ZNF300: variants seen among roughly 807,000 people sequenced by gnomAD.
ZNF300 encodes zinc finger protein 300, also known as kruppel-like zinc finger protein.
ZNF300 carries 6 observed loss-of-function variants against 13.9 expected under a neutral mutation model. That is an observed-to-expected ratio of 0.43 (90% CI 0.24 to 0.85). ZNF300 has a LOEUF of 0.85. ZNF300 is among the 40% of genes least tolerant of loss of function. The pLI, the probability that ZNF300 is intolerant of heterozygous loss-of-function variation, is 0.25. For synonymous variants in ZNF300, 237 were observed against 242.2 expected, an observed-to-expected ratio of 0.98 and a Z score of 0.20; for missense variants, 662 against 714.2, an observed-to-expected ratio of 0.93 and a Z score of 0.83.
At chr5:150,901,332 T>A (rs369478654) in intron 3 of ZNF300, among the ~76,000 whole-genome samples, 3 of 152,100 alleles carry the variant, frequency 2.0e-5, no homozygotes, top group African/African-American at 4.8e-5. Flanking sequence ...CATATATTAC[T>A]CAAGATATCG....
chr5:150,903,427 G>A (rs1408960131), intron 2 of ZNF300: 1 of 1,399,368 alleles, frequency 7.1e-7, no homozygotes, highest in African/African-American at 1.4e-5. Flanking sequence ...TTTATAATTG[G>A]ATAGATGTGA....
At chr5:150,899,400 T>G (rs780596744) in intron 3 of ZNF300, among the ~76,000 whole-genome samples, 25 of 152,020 alleles carry the variant, frequency 1.6e-4, no homozygotes, top group East Asian at 1.9e-4. Context: ...AGAAATGCCC[T>G]TTGTAAGTAC....
chr5:150,901,547 C>T (rs935775859), intron 3 of ZNF300, among the ~76,000 whole-genome samples: 1 of 152,012 alleles, frequency 6.6e-6, no homozygotes, highest in Non-Finnish European at 1.5e-5. Context: ...ATGAAAAAAT[C>T]TTTTTGCAAT....
chr5:150,898,670 A>G, intron 3 of ZNF300, 116 bp from the exon 4 acceptor site: 1 of 1,260,552 alleles, frequency 7.9e-7, no homozygotes, highest in African/African-American at 1.5e-5. Flanking sequence ...AAAACAAAAT[A>G]AAATCCTGTT....
At chr5:150,900,458 C>T (rs1019333930) in intron 3 of ZNF300, 1 of 152,084 alleles carries the variant, frequency 6.6e-6, no homozygotes, top group Non-Finnish European at 1.5e-5. Flanking sequence ...GTTGTTCCCC[C>T]CTCTCTGCTA....
rs1451572438 is a variant in ZNF300 at position 150,895,374 on chromosome 5, G to A, written c.*50C>T. On this transcript the variant is annotated 3_prime_UTR_variant, in exon 6 of 6. Coordinates refer to ENST00000274599, the MANE Select transcript of ZNF300 (RefSeq NM_052860.4). ...GCTTATCAAATTAATTGGGTTTCTA[G>A]TAATTATTAAGGCTTGAGCTAATAC... 7.4e-7 allele frequency: 1 copy of A among 1,354,306 alleles called. No individual in the cohort carries two copies. Among genetic ancestry groups the A allele is most frequent in the African/African-American group, 1.5e-5 (1 of 68,540 alleles). 83.9% of individuals were successfully genotyped at this position (1,354,306 alleles called of 1,614,324 possible).
chr5:150,903,409 A>C, intron 2 of ZNF300: 3 of 1,506,672 alleles, frequency 2.0e-6, no homozygotes, highest in Non-Finnish European at 2.7e-6. Context: ...ATAGAAGTTG[A>C]CCAAGGTTTT....
At chr5:150,900,710 ATAAAT>A (rs1257524391) in intron 3 of ZNF300, 1 of 152,126 alleles carries the variant, frequency 6.6e-6, no homozygotes, top group African/African-American at 2.4e-5. Flanking sequence ...TAAAGAAAAA[ATAAAT>A]TAAAACTTAT....
At position 150,895,053 on chromosome 5, in the gene ZNF300, C is replaced by G. The variant is rs115469051; in HGVS notation, c.*371G>C. The G allele has an allele frequency of 6.0e-6, 1 of 166,810 alleles. No homozygotes were observed. The highest frequency in any genetic ancestry group is 1.3e-5 in the Non-Finnish European group (1 of 78,096). 10.3% of individuals were successfully genotyped at this position (166,810 alleles called of 1,614,324 possible). ...TATTGTTTACTTAAGCTTTCTTCCACGTCTTTTATAGAAAAATTAGTTTAT... is the reference window on the plus strand; with the variant it reads ...TATTGTTTACTTAAGCTTTCTTCCAGGTCTTTTATAGAAAAATTAGTTTAT... On this transcript the variant is annotated 3_prime_UTR_variant, in exon 6 of 6. Transcript: ENST00000274599.
rs767223919 is a variant in ZNF300, at chr5:150,895,648, A to G, written c.1591T>C (p.Ser531Pro). The change falls in exon 6 of 6, where the codon TCT becomes CCT. Residue 531 changes from serine (S) to proline (P), a missense_variant. Transcript: ENST00000274599. Reference sequence around the variant, plus strand: ...TGTCCCGGAAGGTGGGACTTCTGAGAGAAGGCTTTCCCACATTCAGTACAT... The same window carrying G: ...TGTCCCGGAAGGTGGGACTTCTGAGGGAAGGCTTTCCCACATTCAGTACAT... ...YICTECGKAF[S>P]QKSHLPGHQR... 1.7e-5 allele frequency: 27 copies of G among 1,613,076 alleles called. No individual in the cohort carries two copies. The highest frequency in any genetic ancestry group is 6.7e-5 in the African/African-American group (5 of 74,854).
rs754389152 is a variant in ZNF300, at chr5:150,896,108, C to G, written c.1131G>C (p.Gly377=). The change falls in exon 6 of 6, where the codon GGG becomes GGC. Residue 377 remains glycine (G), a synonymous_variant. Coordinates refer to ENST00000274599, the MANE Select transcript of ZNF300 (RefSeq NM_052860.4). ...PLIIHQRIHT[G]EKPYECRECG... is the part of the protein sequence containing the mutation. ...ACTCTCTACATTCATAGGGTTTTTCCCCAGTATGTATTCTCTGATGTATAA... is the reference window on the plus strand; with the variant it reads ...ACTCTCTACATTCATAGGGTTTTTCGCCAGTATGTATTCTCTGATGTATAA... 8 of 1,612,938 alleles carry G rather than the reference C, an allele frequency of 5.0e-6. No homozygotes were observed. In the South Asian group the frequency reaches 8.8e-5, roughly 18 times the overall value.
In ZNF300 at chr5:150,895,298, C is replaced by G; in HGVS notation, c.*126G>C. The G allele has an allele frequency of 1.5e-6, 1 of 676,178 alleles. No homozygotes were observed. Among genetic ancestry groups the G allele is most frequent in the African/African-American group, 1.8e-5 (1 of 54,806 alleles). The allele number at this position is 676,178 out of a possible 1,614,324, so 41.9% of individuals were successfully genotyped here. On this transcript the variant is annotated 3_prime_UTR_variant, in exon 6 of 6. Transcript: ENST00000274599. The stretch of plus-strand genomic sequence containing the variant: ...GCTGGAAAAGTTAGGCATCACCAAA[C>G]TAGAAACAAATTCCCTTAAAAATTT...
At chr5:150,904,500 A>AC (rs1755081028) in intron 1 of ZNF300, among the ~76,000 whole-genome samples, 1 of 151,976 alleles carries the variant, frequency 6.6e-6, no homozygotes, top group Admixed American at 6.6e-5. Flanking sequence ...ACCCAGTTAA[A>AC]CCCACCAGTC....
chr5:150,903,260 G>C, intron 2 of ZNF300, 78 bp from the exon 3 acceptor site: 1 of 1,609,610 alleles, frequency 6.2e-7, no homozygotes. Flanking sequence ...CACCAATCTT[G>C]CAACAACTAA....
At position 150,895,583 on chromosome 5, in the gene ZNF300, A is replaced by C. The variant is rs1471990100; in HGVS notation, c.1656T>G (p.Ala552=). The C allele has an allele frequency of 6.2e-7, 1 of 1,613,392 alleles. No homozygotes were observed. Among genetic ancestry groups the C allele is most frequent in the Non-Finnish European group, 8.5e-7 (1 of 1,179,760 alleles). Residue 552 remains alanine (A), a synonymous_variant, in exon 6 of 6, where the codon GCT becomes GCG. Transcript: ENST00000274599. ...IHTGEKPYIC[A]ECGKAFSQKS... is the part of the protein sequence containing the mutation. ...TCTGAGAAAAGGCCTTTCCACATTC[A>C]GCACATATGTAAGGTTTCTCTCCTG... is the stretch of plus-strand genomic sequence containing the variant.
At chr5:150,903,501 TATAGA>T (rs1755053992) in intron 2 of ZNF300, 2 of 781,036 alleles carry the variant, frequency 2.6e-6, no homozygotes, top group Admixed American at 2.2e-5. Flanking sequence ...CAATTCTATT[TATAGA>T]AGATTTTCAT....
intron 5 of ZNF300, chr5:150,897,231 C>A (rs982060052): frequency 1.7e-5 from 6 of 358,000 alleles, no homozygotes; most frequent in East Asian, 4.4e-5. Context: ...TTTGATTATT[C>A]TTCTAGAATA....
intron 3 of ZNF300, among the ~76,000 whole-genome samples, chr5:150,898,878 G>A (rs1037839913): frequency 6.6e-6 from 1 of 151,962 alleles, no homozygotes; most frequent in African/African-American, 2.4e-5. Flanking sequence ...ATTATGGGTT[G>A]AGTTGTATCT....
chr5:150,904,350 A>ATCTC (rs1561760077), intron 1 of ZNF300, among the ~76,000 whole-genome samples: 1 of 151,930 alleles, frequency 6.6e-6, no homozygotes. Flanking sequence ...CCCCATCTAA[A>ATCTC]TCTCGGAATT....
Sources: allele counts gnomAD v4.1 joint callset (sites outside exome capture counted in the v4.1 genomes callset), GRCh38; gene constraint gnomAD v4.1.1; transcripts MANE v1.5; gene names NCBI Gene and HGNC (gene_info 2026-07-23, HGNC 2026-07-21).